Variants in FLYWCH2 observed in about 807,000 individuals in gnomAD.
FLYWCH2 encodes the protein FLYWCH family member 2.
A neutral mutation model predicts 6.0 loss-of-function variants in FLYWCH2; 2 were observed. The ratio of observed to expected loss-of-function variants is 0.33; its 90% CI spans 0.14 to 1.04. FLYWCH2 has a LOEUF of 1.04. Among genes scored for constraint, FLYWCH2 ranks in the 50% least tolerant of loss-of-function variants. The pLI, the probability that FLYWCH2 is intolerant of heterozygous loss-of-function variation, is 0.45. For missense variants in FLYWCH2, 192 were observed against 183.4 expected, an observed-to-expected ratio of 1.05 and a Z score of -0.27; for synonymous variants, 87 against 79.3, an observed-to-expected ratio of 1.10 and a Z score of -0.52.
At chr16:2,896,139 C>T (rs2069816675) in intron 2 of FLYWCH2, among the ~76,000 whole-genome samples, 1 of 152,190 alleles carries the variant, frequency 6.6e-6, no homozygotes, top group African/African-American at 2.4e-5. Context: ...GCACCTTTTC[C>T]AGATGGGGAA....
rs545946886 is a variant in FLYWCH2, at chr16:2,899,181, C to T, written c.*32C>T. The T allele has an allele frequency of 2.6e-6, 4 of 1,552,670 alleles. No individual in the cohort carries two copies. Among genetic ancestry groups the T allele is most frequent in the Non-Finnish European group, 3.5e-6 (4 of 1,132,676 alleles). Reference sequence around the variant, plus strand: ...CAACAGGCGCATCCTCCCAGGCCACCAACCCAGCCATAGGCTCTTCTCTGT... The same window carrying T: ...CAACAGGCGCATCCTCCCAGGCCACTAACCCAGCCATAGGCTCTTCTCTGT... On this transcript the variant is annotated 3_prime_UTR_variant, in exon 4 of 4. Transcript: ENST00000396958.
At chr16:2,898,477 C>A (rs2069847466) in intron 3 of FLYWCH2, among the ~76,000 whole-genome samples, 1 of 152,190 alleles carries the variant, frequency 6.6e-6, no homozygotes, top group African/African-American at 2.4e-5. Context: ...CTGAGGCCAC[C>A]AGGAGGTCCC....
chr16:2,895,641 C>G (rs1302137855), intron 2 of FLYWCH2, among the ~76,000 whole-genome samples: 1 of 152,168 alleles, frequency 6.6e-6, no homozygotes, highest in Non-Finnish European at 1.5e-5. Flanking sequence ...AAAGAACCAA[C>G]GAGCAGAGGA....
chr16:2,897,121 C>A (rs934140954), intron 3 of FLYWCH2, among the ~76,000 whole-genome samples: 1 of 152,178 alleles, frequency 6.6e-6, no homozygotes, highest in Non-Finnish European at 1.5e-5. Flanking sequence ...TCTCTAAGAC[C>A]GGGGGCTTGA....
chr16:2,893,821 G>A (rs934174405), intron 1 of FLYWCH2, among the ~76,000 whole-genome samples: 2 of 151,816 alleles, frequency 1.3e-5, no homozygotes, highest in South Asian at 2.1e-4. Context: ...GTATTTTTTA[G>A]TGGAGACGGG....
At chr16:2,883,213 C>T (rs966304662), upstream of FLYWCH2, 4 of 152,302 alleles carry the variant, frequency 2.6e-5, no homozygotes, top group Non-Finnish European at 5.9e-5. Flanking sequence ...GCGGCCCCAG[C>T]CAGAAGACAG....
chr16:2,884,554 C>G (rs1298433972), intron 1 of FLYWCH2, among the ~76,000 whole-genome samples: 1 of 5,930 alleles, frequency 1.7e-4, no homozygotes, highest in African/African-American at 6.3e-4. Context: ...AACCCCGTCT[C>G]TACTAAAAAA....
intron 1 of FLYWCH2, among the ~76,000 whole-genome samples, chr16:2,894,302 C>A (rs918998047): frequency 6.6e-6 from 1 of 152,116 alleles, no homozygotes; most frequent in Non-Finnish European, 1.5e-5. Context: ...GTGGCAGAAC[C>A]GACACGGCGG....
chr16:2,891,467 C>G (rs1371621600), intron 1 of FLYWCH2, among the ~76,000 whole-genome samples: 1 of 151,852 alleles, frequency 6.6e-6, no homozygotes, highest in Non-Finnish European at 1.5e-5. Context: ...TGCGGTGGCG[C>G]GATATCGGCT....
intron 1 of FLYWCH2, among the ~76,000 whole-genome samples, chr16:2,885,637 C>T (rs879004224): frequency 2.6e-5 from 4 of 152,198 alleles, no homozygotes; most frequent in Admixed American, 1.3e-4. Context: ...AAGGTTCATT[C>T]ATGTTGTAGC....
chr16:2,896,720 A>T lies in FLYWCH2; in HGVS notation c.271A>T (p.Ile91Phe). The part of the protein sequence containing the change: ...LQTHPEAQRA[I>F]EAAPQEPEQK... Reference sequence around the variant, plus strand: ...GACCCACCCCGAGGCCCAGCGGGCCATTGAGGCAGCCCCTCAGGAGCCTGA... The same window carrying T: ...GACCCACCCCGAGGCCCAGCGGGCCTTTGAGGCAGCCCCTCAGGAGCCTGA... Residue 91 changes from isoleucine (I) to phenylalanine (F), a missense_variant, in exon 3 of 4, where the codon ATT (isoleucine) becomes TTT (phenylalanine). Coordinates refer to ENST00000396958, the MANE Select transcript of FLYWCH2 (RefSeq NM_138439.3). 6.2e-7 allele frequency: 1 copy of T among 1,612,310 alleles called. No individual in the cohort carries two copies.
rs953796233 is a variant in FLYWCH2, at chr16:2,892,353, G to A, written c.-199-2867G>A. Among the ~76,000 whole-genome samples the A allele has an allele frequency of 7.9e-5, 12 of 151,420 alleles. 1 individual carries two copies. Among genetic ancestry groups the A allele is most frequent in the Admixed American group, 5.3e-4 (8 of 15,148 alleles). ...CCACTAAAAATACAAAAAATTAGCCGGGCATGGTGGTGCACACCAGTAATC... is the reference window on the plus strand; with the variant it reads ...CCACTAAAAATACAAAAAATTAGCCAGGCATGGTGGTGCACACCAGTAATC... On this transcript the variant is annotated intron_variant, in intron 1 of 3. Transcript: ENST00000396958.
rs758175816 is a variant in FLYWCH2 at position 2,896,415 on chromosome 16, G to A, written c.-35G>A. On this transcript the variant is annotated 5_prime_UTR_variant, in exon 3 of 4. Transcript: ENST00000396958. Reference sequence around the variant, plus strand: ...AGGAGAAATCCACCTGCTGGGGGCTGAGTGTGGCCTGAGGGACAGGCCCTG... The same window carrying A: ...AGGAGAAATCCACCTGCTGGGGGCTAAGTGTGGCCTGAGGGACAGGCCCTG... The A allele has an allele frequency of 1.3e-6, 2 of 1,577,002 alleles. No individual in the cohort carries two copies. Among genetic ancestry groups the A allele is most frequent in the Non-Finnish European group, 1.7e-6 (2 of 1,163,086 alleles).
chr16:2,892,185 T>C (rs1453911444), intron 1 of FLYWCH2, among the ~76,000 whole-genome samples: 2 of 146,120 alleles, frequency 1.4e-5, no homozygotes, highest in Non-Finnish European at 3.0e-5. Flanking sequence ...AGAGCGAGAC[T>C]TCATCTCAAA....
intron 1 of FLYWCH2, among the ~76,000 whole-genome samples, chr16:2,891,413 AT>A (rs927183620): frequency 4.0e-5 from 6 of 150,520 alleles, no homozygotes; most frequent in Non-Finnish European, 5.9e-5. Context: ...TATTTTATTT[AT>A]TTTTTTTTGA....
At chr16:2,886,747 C>G (rs992627094) in intron 1 of FLYWCH2, among the ~76,000 whole-genome samples, 4 of 151,868 alleles carry the variant, frequency 2.6e-5, no homozygotes, top group Non-Finnish European at 5.9e-5. Flanking sequence ...TCTCGAACTC[C>G]CGACCTCAGA....
intron 1 of FLYWCH2, among the ~76,000 whole-genome samples, chr16:2,884,622 C>T (rs1349673909): frequency 3.3e-5 from 5 of 150,426 alleles, no homozygotes; most frequent in Non-Finnish European, 7.4e-5. Context: ...CGCCTGTAAT[C>T]CCAGCACTTT....
At chr16:2,890,475 C>T (rs1325771924) in intron 1 of FLYWCH2, among the ~76,000 whole-genome samples, 1 of 149,800 alleles carries the variant, frequency 6.7e-6, no homozygotes, top group African/African-American at 2.5e-5. Context: ...AGTGCAGTGG[C>T]GCGATCTTGG....
chr16:2,893,155 G>T (rs530834769), intron 1 of FLYWCH2, among the ~76,000 whole-genome samples: 5 of 151,990 alleles, frequency 3.3e-5, no homozygotes, highest in African/African-American at 1.2e-4. Flanking sequence ...CTCTCCTTTT[G>T]GGTTTTTATG....
Sources: allele counts gnomAD v4.1 joint callset (sites outside exome capture counted in the v4.1 genomes callset), GRCh38; gene constraint gnomAD v4.1.1; transcripts MANE v1.5; gene names NCBI Gene and HGNC (gene_info 2026-07-23, HGNC 2026-07-21).